Variants in AMN1 observed in about 807,000 individuals in gnomAD.
AMN1 encodes protein AMN1 homolog.
AMN1 carries 20 observed loss-of-function variants against 33.0 expected under a neutral mutation model. The ratio of observed to expected loss-of-function variants is 0.61; its 90% CI spans 0.43 to 0.88. AMN1 has a LOEUF of 0.88. Ranked by LOEUF, AMN1 falls within the 40% of genes least tolerant of loss-of-function variation. The pLI, the probability that AMN1 is intolerant of heterozygous loss-of-function variation, is 0.00. For missense variants in AMN1, 246 were observed against 307.4 expected (o/e 0.80, Z 1.49); for synonymous variants, 114 against 111.9 (o/e 1.02, Z -0.12).
Position 31,674,790 on chromosome 12 carries a change from C to T in AMN1, c.704-2413G>A, listed in dbSNP as rs915042145. 9.3e-5 allele frequency among the ~76,000 whole-genome samples: 14 copies of T among 150,994 alleles called. No homozygotes were observed. The East Asian group carries it at 1.2e-3, about 13-fold the overall frequency. ...TTCCAGCACTTTGGGAGGCTGAGGGCGGATCACCTGAGGTCAAGAGTTCAA... is the reference window on the plus strand; with the variant it reads ...TTCCAGCACTTTGGGAGGCTGAGGGTGGATCACCTGAGGTCAAGAGTTCAA... On this transcript the variant is annotated intron_variant, in intron 6 of 6. Transcript: ENST00000281471.
intron 6 of AMN1, among the ~76,000 whole-genome samples, chr12:31,684,292 A>T (rs1261714820): frequency 6.6e-6 from 1 of 152,200 alleles, no homozygotes; most frequent in African/African-American, 2.4e-5. Flanking sequence ...GTTTTGGGGT[A>T]TCAAAGAAGA....
chr12:31,706,311 C>CAA (rs3032986), intron 2 of AMN1, among the ~76,000 whole-genome samples: 3,221 of 65,636 alleles, frequency 0.049, 131 homozygotes, highest in Non-Finnish European at 0.065. Flanking sequence ...GACTCCGTCT[C>CAA]AAAAAAAAAA....
intron 5 of AMN1, among the ~76,000 whole-genome samples, chr12:31,694,028 T>A (rs1938613278): frequency 6.6e-6 from 1 of 151,822 alleles, no homozygotes; most frequent in Non-Finnish European, 1.5e-5. Flanking sequence ...TTCCAAATTA[T>A]AAATAATTTA....
At chr12:31,723,935 T>C (rs1220005698) in intron 1 of AMN1, among the ~76,000 whole-genome samples, 2 of 152,200 alleles carry the variant, frequency 1.3e-5, no homozygotes, top group Non-Finnish European at 2.9e-5. Context: ...TGTGTAAACT[T>C]TATAAAAATG....
chr12:31,693,913 C>T (rs529614584), intron 5 of AMN1, among the ~76,000 whole-genome samples: 18 of 150,908 alleles, frequency 1.2e-4, no homozygotes, highest in Non-Finnish European at 2.2e-4. Flanking sequence ...TCAAGGGATC[C>T]ACTTGCTTTA....
chr12:31,728,365 GT>G (rs1423515426), intron 1 of AMN1, among the ~76,000 whole-genome samples: 1 of 152,272 alleles, frequency 6.6e-6, no homozygotes, highest in East Asian at 1.9e-4. Flanking sequence ...GGTTTTACAT[GT>G]TTTAAATTTA....
chr12:31,707,573 T>C (rs1022636132), intron 2 of AMN1, among the ~76,000 whole-genome samples: 3 of 152,204 alleles, frequency 2.0e-5, no homozygotes. Context: ...TTCTAACTAA[T>C]GAATTGTTTG....
chr12:31,717,100 T>C (rs1450608921), intron 1 of AMN1, among the ~76,000 whole-genome samples: 1 of 152,126 alleles, frequency 6.6e-6, no homozygotes, highest in Non-Finnish European at 1.5e-5. Context: ...GATGCTATCC[T>C]TTCCCTTGCT....
intron 6 of AMN1, among the ~76,000 whole-genome samples, chr12:31,680,597 C>T (rs1937964472): frequency 6.6e-6 from 1 of 152,144 alleles, no homozygotes; most frequent in African/African-American, 2.4e-5. Context: ...AGTCCTAATT[C>T]ATAATGTGAA....
In AMN1 at chr12:31,697,941, A is replaced by G; in HGVS notation, c.333T>C (p.Ala111=). 1 of 1,613,970 alleles carries G rather than the reference A, an allele frequency of 6.2e-7. No homozygotes were observed. The highest frequency in any genetic ancestry group is 8.5e-7 in the Non-Finnish European group (1 of 1,179,842). The change falls in exon 4 of 7, where the codon GCT becomes GCC. Residue 111 remains alanine, a synonymous_variant. Coordinates refer to ENST00000281471, the MANE Select transcript of AMN1 (RefSeq NM_001113402.2). ...CTTCGTGTAGGTATGAACAAGATGA[A>G]GCCACAGCTTTTATTCCTGGGGGAA... ...SVTSEGIKAV[A]SSCSYLHEAS... is the part of the protein sequence containing the mutation.
intron 6 of AMN1, among the ~76,000 whole-genome samples, chr12:31,684,168 T>C (rs901886658): frequency 1.8e-4 from 28 of 152,180 alleles, no homozygotes; most frequent in African/African-American, 2.2e-4. Context: ...GACAGACTAG[T>C]GCATCATAAC....
rs1939622393 is a variant in AMN1, at chr12:31,715,168, C to T, written c.39-5743G>A. 2.6e-5 allele frequency among the ~76,000 whole-genome samples: 4 copies of T among 152,344 alleles called. No individual in the cohort carries two copies. In the South Asian group the frequency reaches 8.3e-4, roughly 32 times the overall value. ...TTTTAGAAAAAGAGTAAAACTCTTT[C>T]AGTTTCTTCCCTTTAGCTCCTAAAA... On this transcript the variant is annotated intron_variant, in intron 1 of 6. Coordinates refer to ENST00000281471, the MANE Select transcript of AMN1 (RefSeq NM_001113402.2).
chr12:31,672,266 G>A lies in AMN1; in HGVS notation c.*38C>T. On this transcript the variant is annotated 3_prime_UTR_variant, in exon 7 of 7. Transcript: ENST00000281471. ...GATGGTTTCCTGGGAAAGTAGTTTT[G>A]ATAAGCTTTCCTAGCATTGATCATC... is the stretch of plus-strand genomic sequence containing the variant. The A allele has an allele frequency of 6.9e-7, 1 of 1,439,674 alleles. No homozygotes were observed. Among genetic ancestry groups the A allele is most frequent in the Non-Finnish European group, 9.6e-7 (1 of 1,044,898 alleles). 89.2% of individuals were successfully genotyped at this position (1,439,674 alleles called of 1,614,324 possible).
chr12:31,681,534 C>T (rs1021594907), intron 6 of AMN1, among the ~76,000 whole-genome samples: 3 of 151,578 alleles, frequency 2.0e-5, no homozygotes, highest in African/African-American at 7.3e-5. Context: ...CGGCCTCTTG[C>T]ATTATTATTA....
intron 3 of AMN1, among the ~76,000 whole-genome samples, chr12:31,698,813 T>C (rs1274960226): frequency 6.6e-6 from 1 of 152,166 alleles, no homozygotes; most frequent in Non-Finnish European, 1.5e-5. Context: ...CAATAAGAAC[T>C]GTATTTGATC....
chr12:31,702,617 G>T (rs533364328), intron 2 of AMN1, among the ~76,000 whole-genome samples: 2 of 151,640 alleles, frequency 1.3e-5, no homozygotes, highest in African/African-American at 4.8e-5. Context: ...ATAAAATAAG[G>T]TATTATTATT....
chr12:31,677,942 G>A (rs1937807738), intron 6 of AMN1, among the ~76,000 whole-genome samples: 1 of 152,194 alleles, frequency 6.6e-6, no homozygotes. Flanking sequence ...CCTCATTCCA[G>A]AGTGGCCCCG....
At chr12:31,710,615 T>C (rs1435359884) in intron 1 of AMN1, among the ~76,000 whole-genome samples, 1 of 151,474 alleles carries the variant, frequency 6.6e-6, no homozygotes, top group Non-Finnish European at 1.5e-5. Context: ...GGAGGGGTCA[T>C]TGTTTCCTAA....
chr12:31,709,483 T>C (rs149586832), intron 1 of AMN1, 58 bp from the exon 2 acceptor site: 43 of 1,546,770 alleles, frequency 2.8e-5, no homozygotes, highest in Non-Finnish European at 3.7e-5. Context: ...TCCTAACACT[T>C]GTCTTAATGC....
Sources: allele counts gnomAD v4.1 joint callset (sites outside exome capture counted in the v4.1 genomes callset), GRCh38; gene constraint gnomAD v4.1.1; transcripts MANE v1.5; gene names NCBI Gene and HGNC (gene_info 2026-07-23, HGNC 2026-07-21).